The following GOLM2 variants were observed in gnomAD, a reference collection of about 807,000 sequenced individuals.
GOLM2 encodes the protein protein GOLM2.
A neutral mutation model predicts 55.9 loss-of-function variants in GOLM2; 26 were observed. The ratio of observed to expected loss-of-function variants is 0.47; its 90% CI spans 0.34 to 0.65. GOLM2 has a LOEUF of 0.65. Among genes scored for constraint, GOLM2 ranks in the 30% least tolerant of loss-of-function variants. The pLI, the probability that GOLM2 is intolerant of heterozygous loss-of-function variation, is 0.01. For missense variants in GOLM2, 486 were observed against 531.8 expected (o/e 0.91, Z 0.85); for synonymous variants, 165 against 194.6 (o/e 0.85, Z 1.27).
At chr15:44,293,758 T>C (rs2141103743) in intron 1 of GOLM2, among the ~76,000 whole-genome samples, 1 of 152,284 alleles carries the variant, frequency 6.6e-6, no homozygotes, top group South Asian at 2.1e-4. Flanking sequence ...GCTTGTCAGG[T>C]TTCTCCACTA....
intron 9 of GOLM2, among the ~76,000 whole-genome samples, chr15:44,411,749 A>T (rs1190741340): frequency 6.6e-6 from 1 of 151,572 alleles, no homozygotes; most frequent in Non-Finnish European, 1.5e-5. Context: ...GATTCCCTTG[A>T]ACCCAGGAGA....
intron 6 of GOLM2, among the ~76,000 whole-genome samples, chr15:44,373,676 C>T (rs900959716): frequency 2.6e-5 from 4 of 152,188 alleles, no homozygotes; most frequent in African/African-American, 9.6e-5. Context: ...ATTGCTTGAA[C>T]CCAGGAGGTG....
chr15:44,305,772 G>A (rs2078832911), intron 1 of GOLM2, among the ~76,000 whole-genome samples: 1 of 152,192 alleles, frequency 6.6e-6, no homozygotes, highest in South Asian at 2.1e-4. Flanking sequence ...ATGGGTTGCT[G>A]TTAGCAGACA....
At position 44,390,812 on chromosome 15, in the gene GOLM2, G is replaced by A. The variant is rs548954923; in HGVS notation, c.1072+9836G>A. Among the ~76,000 whole-genome samples the A allele has an allele frequency of 6.2e-4, 94 of 151,772 alleles. 1 individual carries two copies. The South Asian group carries it at 0.018, about 29-fold the overall frequency. On this transcript the variant is annotated intron_variant, in intron 8 of 9. Transcript: ENST00000299957. ...TCGTACTCCTAACCTCAGGTGATCC[G>A]CCCGCCTCAGCCTCCCAAAGTGCTG...
intron 1 of GOLM2, among the ~76,000 whole-genome samples, chr15:44,301,320 T>G (rs181640579): frequency 6.6e-6 from 1 of 152,292 alleles, no homozygotes; most frequent in Admixed American, 6.5e-5. Flanking sequence ...TTTTTGAAAC[T>G]TCTTCCCTTT....
chr15:44,344,277 A>G (rs549476403), intron 6 of GOLM2, among the ~76,000 whole-genome samples: 136 of 144,460 alleles, frequency 9.4e-4, no homozygotes, highest in African/African-American at 3.6e-3. Context: ...AAAAAAATGT[A>G]TATGTGTGTG....
chr15:44,362,730 G>A (rs1239342257), intron 6 of GOLM2, among the ~76,000 whole-genome samples: 12 of 152,194 alleles, frequency 7.9e-5, no homozygotes, highest in African/African-American at 9.6e-5. Flanking sequence ...AGCCCGCATC[G>A]CCAAGTCAAT....
intron 6 of GOLM2, among the ~76,000 whole-genome samples, chr15:44,376,704 T>C (rs776452110): frequency 2.0e-5 from 3 of 152,174 alleles, no homozygotes; most frequent in Non-Finnish European, 4.4e-5. Context: ...CTCTTAATTG[T>C]CTCCAAGTCA....
intron 9 of GOLM2, among the ~76,000 whole-genome samples, chr15:44,408,538 C>T (rs1272066857): frequency 6.6e-6 from 1 of 152,180 alleles, no homozygotes; most frequent in African/African-American, 2.4e-5. Context: ...GTTGTTATCT[C>T]TATTTTCCTG....
chr15:44,332,965 G>A (rs547549485), intron 4 of GOLM2, among the ~76,000 whole-genome samples: 35 of 152,074 alleles, frequency 2.3e-4, no homozygotes, highest in African/African-American at 6.5e-4. Context: ...ATGGAGTCTC[G>A]CTCTGTCGCC....
intron 1 of GOLM2, chr15:44,307,778 C>A (rs1044436837): frequency 6.6e-6 from 1 of 152,068 alleles, no homozygotes; most frequent in Non-Finnish European, 1.5e-5. Context: ...AGAGGAATAA[C>A]TGATTAACTT....
intron 9 of GOLM2, chr15:44,409,721 A>G (rs2079623929): frequency 6.6e-6 from 1 of 150,738 alleles, no homozygotes; most frequent in Non-Finnish European, 1.5e-5. Flanking sequence ...AGCCTAACCA[A>G]CATGGTAAAA....
chr15:44,344,279 A>ATG (rs1448156508), intron 6 of GOLM2, among the ~76,000 whole-genome samples: 33 of 140,888 alleles, frequency 2.3e-4, no homozygotes, highest in African/African-American at 5.1e-4. Flanking sequence ...AAAAATGTAT[A>ATG]TGTGTGTGTA....
At position 44,317,376 on chromosome 15, in the gene GOLM2, C is replaced by CA. The variant is rs1378080824; in HGVS notation, c.328-5582dup. On this transcript the variant is annotated intron_variant, in intron 1 of 9. Transcript: ENST00000299957. ...TGGGCAGTAGGGCAAGACCCTGTCTCAAAAAAAGTGTTTTTTTAAATAAAA... is the reference window on the plus strand; with the variant it reads ...TGGGCAGTAGGGCAAGACCCTGTCTCAAAAAAAAGTGTTTTTTTAAATAAAA... Among the ~76,000 whole-genome samples, 6 of 151,464 alleles carry CA rather than the reference C, an allele frequency of 4.0e-5. 1 individual carries two copies. In the East Asian group the frequency reaches 7.8e-4, roughly 20 times the overall value.
intron 1 of GOLM2, among the ~76,000 whole-genome samples, chr15:44,311,044 G>A (rs536689187): frequency 1.3e-5 from 2 of 151,752 alleles, no homozygotes; most frequent in East Asian, 1.9e-4. Flanking sequence ...AAACGAACAA[G>A]CAAAAAACAA....
At chr15:44,379,245 G>T (rs1250089640) in intron 6 of GOLM2, among the ~76,000 whole-genome samples, 4 of 152,148 alleles carry the variant, frequency 2.6e-5, no homozygotes, top group African/African-American at 9.6e-5. Flanking sequence ...GGGAGGCTGA[G>T]GGAAGCAGAT....
At chr15:44,384,109 G>C (rs1018736843) in intron 8 of GOLM2, among the ~76,000 whole-genome samples, 2 of 151,588 alleles carry the variant, frequency 1.3e-5, no homozygotes, top group African/African-American at 4.9e-5. Context: ...TTTTGTTTTG[G>C]TAAGTTACAC....
In GOLM2 at chr15:44,317,030, A is replaced by AT. The variant is rs1235345763; in HGVS notation, c.328-5928dup. ...ATTGAATTTCCCCACCTCCATTAGA[A>AT]TTTTTTTCCAATGTATAAGAATATG... On this transcript the variant is annotated intron_variant, in intron 1 of 9. Transcript: ENST00000299957. Among the ~76,000 whole-genome samples, 5 of 152,186 alleles carry AT rather than the reference A, an allele frequency of 3.3e-5. No homozygotes were observed. The East Asian group carries it at 9.6e-4, about 29-fold the overall frequency.
chr15:44,349,924 T>C (rs1376699847), intron 6 of GOLM2, among the ~76,000 whole-genome samples: 1 of 152,138 alleles, frequency 6.6e-6, no homozygotes, highest in African/African-American at 2.4e-5. Context: ...AAGAAGGAAA[T>C]TGAAAAATAT....
Sources: gnomAD v4.1 joint callset for allele counts (sites outside exome capture counted in the v4.1 genomes callset) on GRCh38, gnomAD v4.1.1 for gene constraint, MANE v1.5 for transcripts, NCBI Gene and HGNC (gene_info 2026-07-23, HGNC 2026-07-21) for gene names.